The following EPHA1 variants were observed in gnomAD, a reference collection of about 807,000 sequenced individuals.
EPHA1 encodes EPH receptor A1.
EPHA1 carries 92 observed loss-of-function variants against 110.1 expected under a neutral mutation model. That is an observed-to-expected ratio of 0.84 (90% CI 0.71 to 0.99). The LOEUF (loss-of-function observed/expected upper bound fraction) is 0.99, where lower values mean the gene tolerates loss of function less well. EPHA1 is among the 50% of genes least tolerant of loss of function. The pLI, the probability that EPHA1 is intolerant of heterozygous loss-of-function variation, is 0.00. For synonymous variants in EPHA1, 500 were observed against 516.1 expected, an observed-to-expected ratio of 0.97 and a Z score of 0.42; for missense variants, 1,204 against 1,285.4, an observed-to-expected ratio of 0.94 and a Z score of 0.97.
Position 143,394,811 on chromosome 7 carries a change from G to C in EPHA1, c.2349C>G (p.Thr783=), listed in dbSNP as rs1359469340. The C allele has an allele frequency of 1.2e-6, 2 of 1,613,944 alleles. No individual in the cohort carries two copies. Among genetic ancestry groups the C allele is most frequent in the African/African-American group, 2.7e-5 (2 of 74,916 alleles). ...TGGGTTTGTACCGGCCTCTAACCTGGGTTTCGTATGTGCCATCAAAGTCAT... is the reference window on the plus strand; with the variant it reads ...TGGGTTTGTACCGGCCTCTAACCTGCGTTTCGTATGTGCCATCAAAGTCAT... ...LLDDFDGTYE[T]QGGKIPIRWT... Residue 783 remains threonine, a synonymous_variant, in exon 14 of 18, where the codon ACC becomes ACG. Coordinates refer to ENST00000275815, the MANE Select transcript of EPHA1 (RefSeq NM_005232.5).
intron 4 of EPHA1, 37 bp downstream of exon 4, chr7:143,399,614 G>C (rs372710890): frequency 1.9e-6 from 3 of 1,609,966 alleles, no homozygotes; most frequent in East Asian, 2.2e-5. Context: ...CAATCCTCCC[G>C]AGTGGTTCCT....
At chr7:143,405,651 G>C (rs1805529876) in intron 2 of EPHA1, among the ~76,000 whole-genome samples, 1 of 152,204 alleles carries the variant, frequency 6.6e-6, no homozygotes, top group African/African-American at 2.4e-5. Context: ...GAAGGCCCAT[G>C]GGAGCCAGAA....
rs373447921 is a variant in EPHA1 at position 143,394,825 on chromosome 7, C to T, written c.2335G>A (p.Gly779Ser). Residue 779 changes from glycine (G) to serine (S), a missense_variant, in exon 14 of 18, where the codon GGC becomes AGC. Gly to Ser is a moderately conservative substitution (Grantham distance 56). Transcript: ENST00000275815. ...GLTRLLDDFD[G>S]TYETQGGKIP... ...CCTCTAACCTGGGTTTCGTATGTGC[C>T]ATCAAAGTCATCCAGGAGGCGAGTC... The T allele has an allele frequency of 1.5e-5, 24 of 1,614,010 alleles. No homozygotes were observed. The highest frequency in any genetic ancestry group is 1.8e-5 in the Non-Finnish European group (21 of 1,180,050).
rs759642085 is a variant in EPHA1 at position 143,407,692 on chromosome 7, G to T, written c.83-14C>A. 6.2e-7 allele frequency: 1 copy of T among 1,612,572 alleles called. No homozygotes were observed. The highest frequency in any genetic ancestry group is 8.5e-7 in the Non-Finnish European group (1 of 1,179,192). On this transcript the variant is annotated splice_polypyrimidine_tract_variant and intron_variant, in intron 1 of 17. Transcript: ENST00000275815. ...CCATCAGAGTAACTGAAAGTGGGGA[G>T]AAAAGAAGTCTGTCACCTCTGGGGG...
chr7:143,398,602 T>C lies in EPHA1; in HGVS notation c.1335A>G (p.Ala445=), dbSNP rs1428622316. 1.2e-6 allele frequency: 2 copies of C among 1,612,790 alleles called. No individual in the cohort carries two copies. Among genetic ancestry groups the C allele is most frequent in the Non-Finnish European group, 8.5e-7 (1 of 1,179,152 alleles). Residue 445 remains alanine (A), a splice_region_variant and synonymous_variant, in exon 6 of 18, where the codon GCA becomes GCG. Coordinates refer to ENST00000275815, the MANE Select transcript of EPHA1 (RefSeq NM_005232.5). ...STSVSISMGH[A]ESLSGLSLRL... is the part of the protein sequence containing the mutation. ...TCCCAGCCCCTCTCAGCCTCTCACC[T>C]GCATGCCCCATGCTGATGCTGACTG... is the stretch of plus-strand genomic sequence containing the variant.
chr7:143,394,778 A>T (rs1270200647), intron 14 of EPHA1, 30 bp downstream of exon 14: 2 of 1,612,292 alleles, frequency 1.2e-6, no homozygotes, highest in Admixed American at 1.7e-5. Flanking sequence ...GGCAATGTGA[A>T]TGTGCACTGG....
At chr7:143,404,803 T>C (rs879312659) in intron 2 of EPHA1, among the ~76,000 whole-genome samples, 1 of 152,170 alleles carries the variant, frequency 6.6e-6, no homozygotes, top group Admixed American at 6.5e-5. Flanking sequence ...TTATTTCCTC[T>C]GTCAGATGAA....
Position 143,395,252 on chromosome 7 carries a change from CT to C in EPHA1, c.2083+66del. 1 of 1,613,396 alleles carries C rather than the reference CT, an allele frequency of 6.2e-7. No homozygotes were observed. ...CCCTTGGCCACACATCCTCCCTCCA[CT>C]TCCAGTGGTTTCACCCCTCTTTCCT... On this transcript the variant is annotated intron_variant, in intron 12 of 17. Transcript: ENST00000275815. This position sits in a 1 kb window ranked among gnomAD's most constrained non-coding sequence, Gnocchi z 4.7.
rs770299873 is a variant in EPHA1, at chr7:143,398,887, C to T, written c.1050G>A (p.Leu350=). ...SFSASGTQLS[L]RWEPPADTGG... ...CCGTATCTGCTGGGGGTTCCCAACGCAGGGAGAGCTGAGTCCCTGAGGCAG... is the reference window on the plus strand; with the variant it reads ...CCGTATCTGCTGGGGGTTCCCAACGTAGGGAGAGCTGAGTCCCTGAGGCAG... The change falls in exon 6 of 18, where the codon CTG becomes CTA. Residue 350 remains leucine, a synonymous_variant. Transcript: ENST00000275815. 1 of 1,613,408 alleles carries T rather than the reference C, an allele frequency of 6.2e-7. No homozygotes were observed. Among genetic ancestry groups the T allele is most frequent in the South Asian group, 1.1e-5 (1 of 91,048 alleles).
At position 143,398,750 on chromosome 7, in the gene EPHA1, G is replaced by A. The variant is rs151135649; in HGVS notation, c.1187C>T (p.Ala396Val). 1.3e-4 allele frequency: 208 copies of A among 1,613,996 alleles called. No homozygotes were observed. Among genetic ancestry groups the A allele is most frequent in the Non-Finnish European group, 1.7e-4 (195 of 1,179,988 alleles). Residue 396 changes from alanine (A) to valine (V), a missense_variant, in exon 6 of 18, where the codon GCC becomes GTC. Ala to Val is a moderately conservative substitution (Grantham distance 64). Coordinates refer to ENST00000275815, the MANE Select transcript of EPHA1 (RefSeq NM_005232.5). Reference sequence around the variant, plus strand: ...CACTGCAGGTGTGGTGAGCCCCCGGGCCCCCGGCGAGAAGTGCACGCCCAC... The same window carrying A: ...CACTGCAGGTGTGGTGAGCCCCCGGACCCCCGGCGAGAAGTGCACGCCCAC... ...CGVGVHFSPG[A>V]RGLTTPAVHV...
rs1805219347 is a variant in EPHA1 at position 143,395,504 on chromosome 7, C to T, written c.1898G>A (p.Gly633Glu). 2 of 1,613,576 alleles carry T rather than the reference C, an allele frequency of 1.2e-6. No individual in the cohort carries two copies. Among genetic ancestry groups the T allele is most frequent in the African/African-American group, 2.7e-5 (2 of 74,912 alleles). ...WLMVDTVIGE[G>E]EFGEVYRGTL... ...CCCTCGATACACTTCCCCAAACTCT[C>T]CTGGGTAGAAAGAAAACAGGCTGTG... is the stretch of plus-strand genomic sequence containing the variant. The change falls in exon 12 of 18, where the codon GGA (glycine) becomes GAA (glutamate). Residue 633 changes from glycine to glutamate, a missense_variant and splice_region_variant. Gly to Glu is a moderately conservative substitution (Grantham distance 98). Coordinates refer to ENST00000275815, the MANE Select transcript of EPHA1 (RefSeq NM_005232.5). This position sits in a 1 kb window ranked among gnomAD's most constrained non-coding sequence, Gnocchi z 4.7.
At chr7:143,394,430 TA>T in intron 14 of EPHA1, 87 bp from the exon 15 acceptor site, 3 of 1,439,630 alleles carry the variant, frequency 2.1e-6, no homozygotes, top group East Asian at 2.5e-5. Flanking sequence ...ATTTTTATTT[TA>T]TTTTTTTTGA....
At chr7:143,392,620 G>A (rs1396238524) in intron 16 of EPHA1, among the ~76,000 whole-genome samples, 1 of 150,140 alleles carries the variant, frequency 6.7e-6, no homozygotes, top group Admixed American at 6.7e-5. Context: ...CTCTGACCAT[G>A]TCCCCCCATC....
intron 16 of EPHA1, among the ~76,000 whole-genome samples, chr7:143,392,672 G>A (rs937920912): frequency 1.3e-5 from 2 of 152,084 alleles, no homozygotes; most frequent in Non-Finnish European, 1.5e-5. Flanking sequence ...GGCCAGGCGA[G>A]GTGGCCCACG....
chr7:143,395,499 ACT>A lies in EPHA1; in HGVS notation c.1901_1902del (p.Glu634ValfsTer22). The A allele has an allele frequency of 6.2e-7, 1 of 1,613,700 alleles. No individual in the cohort carries two copies. The highest frequency in any genetic ancestry group is 8.5e-7 in the Non-Finnish European group (1 of 1,179,924). ...AGGGTCCCTCGATACACTTCCCCAA[ACT>A]CTCCTGGGTAGAAAGAAAACAGGCT... The part of the protein sequence containing the change: ...LMVDTVIGEG[E>X]FGEVYRGTLR... On this transcript the variant is annotated frameshift_variant, in exon 12 of 18. Coordinates refer to ENST00000275815, the MANE Select transcript of EPHA1 (RefSeq NM_005232.5). LOFTEE classifies it high-confidence loss of function. The surrounding 1 kb of genome is among the most constrained non-coding windows in gnomAD (Gnocchi z 4.7).
rs891496618 is a variant in EPHA1 at position 143,393,258 on chromosome 7, A to T, written c.2696+413T>A. On this transcript the variant is annotated intron_variant, in intron 16 of 17. Transcript: ENST00000275815. This position sits in a 1 kb window ranked among gnomAD's most constrained non-coding sequence, Gnocchi z 5.6. ...CAATGTCCAGCAAACAGCTTGCACC[A>T]GTAGGTCCTCCAAAACTTCATGAAT... is the stretch of plus-strand genomic sequence containing the variant. Among the ~76,000 whole-genome samples the T allele has an allele frequency of 2.6e-5, 4 of 152,198 alleles. No homozygotes were observed. Among genetic ancestry groups the T allele is most frequent in the Non-Finnish European group, 5.9e-5 (4 of 68,042 alleles).
At chr7:143,402,597 T>C (rs1217165935) in intron 2 of EPHA1, among the ~76,000 whole-genome samples, 3 of 152,228 alleles carry the variant, frequency 2.0e-5, no homozygotes, top group South Asian at 2.1e-4. Flanking sequence ...TTTTGCCACG[T>C]TGGCCAGGCT....
At chr7:143,392,677 C>A (rs1473584359) in intron 16 of EPHA1, among the ~76,000 whole-genome samples, 1 of 152,146 alleles carries the variant, frequency 6.6e-6, no homozygotes, top group Non-Finnish European at 1.5e-5. Context: ...GGCGAGGTGG[C>A]CCACGCCTGT....
Position 143,395,157 on chromosome 7 carries a change from T to G in EPHA1, c.2109A>C (p.Glu703Asp), listed in dbSNP as rs1336934305. 2.5e-6 allele frequency: 4 copies of G among 1,613,918 alleles called. No homozygotes were observed. The South Asian group carries it at 3.3e-5, about 13-fold the overall frequency. ...TKRKPIMIIT[E>D]FMENGALDAF... ...CATCCAGGGCTCCATTCTCCATAAA[T>G]TCTGTGATGATCATGATCGGCTTTC... is the stretch of plus-strand genomic sequence containing the variant. The change falls in exon 13 of 18, where the codon GAA (glutamate) becomes GAC (aspartate). Residue 703 changes from glutamate (E) to aspartate (D), a missense_variant. Glu to Asp is a conservative substitution (Grantham distance 45, BLOSUM62 2). Coordinates refer to ENST00000275815, the MANE Select transcript of EPHA1 (RefSeq NM_005232.5). The surrounding 1 kb of genome is among the most constrained non-coding windows in gnomAD (Gnocchi z 4.7).
Sources: gnomAD v4.1 joint callset for allele counts (sites outside exome capture counted in the v4.1 genomes callset) on GRCh38, gnomAD v4.1.1 for gene constraint, Gnocchi (gnomAD v3.1) non-coding constraint, MANE v1.5 for transcripts, NCBI Gene and HGNC (gene_info 2026-07-23, HGNC 2026-07-21) for gene names.